HDAC8: variants seen among roughly 807,000 people sequenced by gnomAD.
The protein encoded by HDAC8 is histone deacetylase 8.
HDAC8 carries 1 observed loss-of-function variant against 32.2 expected under a neutral mutation model. The ratio of observed to expected loss-of-function variants is 0.03; its 90% confidence interval spans 0.01 to 0.15. HDAC8 has a LOEUF of 0.15. Ranked by LOEUF, HDAC8 falls within the 10% of genes least tolerant of loss-of-function variation. HDAC8 has a pLI of 1.00. For missense variants in HDAC8, 117 were observed against 300.0 expected, an observed-to-expected ratio of 0.39 and a Z score of 4.51; for synonymous variants, 108 against 113.9, an observed-to-expected ratio of 0.95 and a Z score of 0.33.
At chrX:72,458,332 G>A (rs2047776998) in intron 9 of HDAC8, among the ~76,000 whole-genome samples, 1 of 112,470 alleles carries the variant, frequency 8.9e-6, no homozygotes, top group Non-Finnish European at 1.9e-5. Flanking sequence ...TGGCTTTATG[G>A]TATCACCGGT....
At chrX:72,564,754 G>GTA (rs1438182374) in intron 4 of HDAC8, among the ~76,000 whole-genome samples, 2 of 111,552 alleles carry the variant, frequency 1.8e-5, no homozygotes, top group Non-Finnish European at 3.8e-5. Flanking sequence ...GGTGGGGGGT[G>GTA]TACTATAACC....
chrX:72,464,444 C>A (rs1216156653), intron 8 of HDAC8, 115 bp downstream of exon 8: 2 of 593,788 alleles, frequency 3.4e-6, no homozygotes, highest in East Asian at 6.6e-5. Flanking sequence ...GGCTTCTGGG[C>A]CTCAGGTAGG....
chrX:72,439,995 C>T (rs782677022), intron 9 of HDAC8, among the ~76,000 whole-genome samples: 2 of 112,162 alleles, frequency 1.8e-5, no homozygotes, highest in African/African-American at 3.2e-5. Flanking sequence ...CTACAGAGCT[C>T]TCCACCACAA....
chrX:72,343,472 C>T lies in HDAC8; in HGVS notation c.1111+8261G>A, dbSNP rs148504997. Among the ~76,000 whole-genome samples, 531 of 109,969 alleles carry T rather than the reference C, an allele frequency of 4.8e-3. 1 individual carries two copies. The highest frequency in any genetic ancestry group is 0.017 in the African/African-American group (515 of 30,221). The stretch of plus-strand genomic sequence containing the variant: ...ACAGGCGTGAGCTACCATGCCCGGC[C>T]GAACTCAAATTTTGTAAATCTCCTT... On this transcript the variant is annotated intron_variant, in intron 10 of 10. Coordinates refer to ENST00000373573, the MANE Select transcript of HDAC8 (RefSeq NM_018486.3).
chrX:72,473,148 A>T (rs2048234182), intron 7 of HDAC8, among the ~76,000 whole-genome samples: 1 of 112,567 alleles, frequency 8.9e-6, no homozygotes. Context: ...TTAGGCTATG[A>T]TCCAAAGTGC....
chrX:72,436,606 T>C (rs1239766356), intron 9 of HDAC8, among the ~76,000 whole-genome samples: 2 of 101,173 alleles, frequency 2.0e-5, no homozygotes, highest in African/African-American at 3.7e-5. Flanking sequence ...AAGGAAATGA[T>C]AAAAGAAAAA....
intron 4 of HDAC8, among the ~76,000 whole-genome samples, chrX:72,558,402 C>T (rs371425770): frequency 3.6e-5 from 4 of 111,602 alleles, no homozygotes; most frequent in South Asian, 7.6e-4. Context: ...CAACTGGGTT[C>T]GATATTAGAG....
intron 4 of HDAC8, among the ~76,000 whole-genome samples, chrX:72,500,419 G>A (rs1289981028): frequency 2.7e-5 from 3 of 111,707 alleles, no homozygotes; most frequent in African/African-American, 9.8e-5. Context: ...ACAACAAAAT[G>A]CTAATCCACC....
At chrX:72,386,146 A>T (rs1172828536) in intron 9 of HDAC8, among the ~76,000 whole-genome samples, 1 of 112,506 alleles carries the variant, frequency 8.9e-6, no homozygotes, top group Non-Finnish European at 1.9e-5. Flanking sequence ...TAATGGCCTG[A>T]AATGGATGTA....
intron 5 of HDAC8, among the ~76,000 whole-genome samples, chrX:72,493,870 T>C (rs782054880): frequency 4.5e-5 from 5 of 110,879 alleles, no homozygotes; most frequent in African/African-American, 1.6e-4. Flanking sequence ...CTAATTTTTT[T>C]CGAGATGGGG....
At chrX:72,394,023 G>A (rs2045688318) in intron 9 of HDAC8, among the ~76,000 whole-genome samples, 1 of 110,873 alleles carries the variant, frequency 9.0e-6, no homozygotes, top group African/African-American at 3.3e-5. Context: ...GCAGAGCCCC[G>A]CCACTGGATA....
intron 10 of HDAC8, among the ~76,000 whole-genome samples, chrX:72,333,410 T>G (rs1289784421): frequency 8.9e-6 from 1 of 112,313 alleles, no homozygotes; most frequent in Non-Finnish European, 1.9e-5. Flanking sequence ...TTCAGCAGGC[T>G]GGGCGTGGTG....
chrX:72,462,599 G>A (rs1870375973), intron 8 of HDAC8, among the ~76,000 whole-genome samples: 1 of 112,238 alleles, frequency 8.9e-6, no homozygotes, highest in Non-Finnish European at 1.9e-5. Context: ...TCCTTCTTTT[G>A]ATGTCAGCAT....
At chrX:72,528,153 GT>G (rs782288321) in intron 4 of HDAC8, among the ~76,000 whole-genome samples, 1 of 110,982 alleles carries the variant, frequency 9.0e-6, no homozygotes, top group East Asian at 2.8e-4. Context: ...ATCTCCTTCT[GT>G]TTCTCCTAGA....
chrX:72,377,169 C>T (rs371278009), intron 9 of HDAC8: 4 of 111,946 alleles, frequency 3.6e-5, no homozygotes, highest in African/African-American at 6.5e-5. Flanking sequence ...CATGAAGCAA[C>T]GTGATTTCTT....
intron 9 of HDAC8, among the ~76,000 whole-genome samples, chrX:72,461,136 T>G (rs2047856680): frequency 8.9e-6 from 1 of 112,184 alleles, no homozygotes. Context: ...ATCATAACAT[T>G]AAAACCAAAG....
chrX:72,477,156 C>T (rs1364051949), intron 7 of HDAC8, among the ~76,000 whole-genome samples: 1 of 111,448 alleles, frequency 9.0e-6, no homozygotes, highest in East Asian at 2.8e-4. Flanking sequence ...CTTTGCAGAC[C>T]CTGGATAGCG....
intron 7 of HDAC8, among the ~76,000 whole-genome samples, chrX:72,480,819 T>A (rs2048472410): frequency 9.1e-6 from 1 of 110,040 alleles, no homozygotes; most frequent in African/African-American, 3.3e-5. Flanking sequence ...AACCAAACAC[T>A]GCATGTTCTT....
intron 9 of HDAC8, among the ~76,000 whole-genome samples, chrX:72,423,824 G>A (rs186204955): frequency 9.0e-6 from 1 of 111,722 alleles, no homozygotes; most frequent in Non-Finnish European, 1.9e-5. Flanking sequence ...CTTCCCTCTG[G>A]AGCCCTCCAA....
Sources: gnomAD v4.1 joint callset for allele counts (sites outside exome capture counted in the v4.1 genomes callset) on GRCh38, gnomAD v4.1.1 for gene constraint, MANE v1.5 for transcripts, NCBI Gene and HGNC (gene_info 2026-07-23, HGNC 2026-07-21) for gene names.